The following GCLM variants were observed in gnomAD, a reference collection of about 807,000 sequenced individuals.
The protein encoded by GCLM is glutamate--cysteine ligase regulatory subunit.
In GCLM, 15 loss-of-function variants were observed where a neutral mutation model predicts 36.0. The observed-to-expected ratio is 0.42, with a 90% CI of 0.28 to 0.64. The LOEUF is 0.64. Among genes scored for constraint, GCLM ranks in the 30% least tolerant of loss-of-function variants. The pLI, the probability that GCLM is intolerant of heterozygous loss-of-function variation, is 0.25. For synonymous variants in GCLM, 129 were observed against 122.8 expected (o/e 1.05, Z -0.34); for missense variants, 242 against 325.5 (o/e 0.74, Z 1.97).
intron 6 of GCLM, among the ~76,000 whole-genome samples, chr1:93,892,308 T>C (rs1656566344): frequency 6.6e-6 from 1 of 152,158 alleles, no homozygotes. Context: ...TAAACAAAAT[T>C]CTATTTTAGA....
intron 2 of GCLM, among the ~76,000 whole-genome samples, chr1:93,902,382 G>T (rs775163324): frequency 2.0e-5 from 3 of 151,608 alleles, no homozygotes; most frequent in Admixed American, 6.6e-5. Flanking sequence ...GTTTCACCGT[G>T]TTAGCCAGGA....
In GCLM at chr1:93,896,658, A is replaced by G; in HGVS notation, c.500T>C (p.Leu167Pro). ...CAGCTGTTCCAACTGTGTTTTGTCT[A>G]GATCAGAGGTACCTATGGCAACAAT... The part of the protein sequence containing the change: ...KKIVAIGTSD[L>P]DKTQLEQLYQ... The change falls in exon 5 of 7, where the codon CTA becomes CCA. Residue 167 changes from leucine (L) to proline (P), a missense_variant. Coordinates refer to ENST00000370238, the MANE Select transcript of GCLM (RefSeq NM_002061.4). 6.2e-7 allele frequency: 1 copy of G among 1,614,122 alleles called. No homozygotes were observed. The highest frequency in any genetic ancestry group is 1.1e-5 in the South Asian group (1 of 91,078).
chr1:93,890,342 A>C (rs1441734616), intron 6 of GCLM, among the ~76,000 whole-genome samples: 1 of 152,182 alleles, frequency 6.6e-6, no homozygotes, highest in East Asian at 1.9e-4. Flanking sequence ...TGCATTACAA[A>C]TAAGTCTGTA....
In GCLM at chr1:93,894,693, G is replaced by A. The variant is rs763622368; in HGVS notation, c.576C>T (p.Ser192=). The A allele has an allele frequency of 1.4e-5, 22 of 1,610,230 alleles. No homozygotes were observed. The highest frequency in any genetic ancestry group is 1.9e-5 in the Non-Finnish European group (22 of 1,176,654). The change falls in exon 6 of 7, where the codon TCC becomes TCT. Residue 192 remains serine (S), a synonymous_variant. Coordinates refer to ENST00000370238, the MANE Select transcript of GCLM (RefSeq NM_002061.4). Reference sequence around the variant, plus strand: ...TCAAATCTGGTGGCATCACACAGCAGGAGGCAAGATTAACTTGGTTACTAT... The same window carrying A: ...TCAAATCTGGTGGCATCACACAGCAAGAGGCAAGATTAACTTGGTTACTAT... ...KPNSNQVNLA[S]CCVMPPDLTA... is the part of the protein sequence containing the mutation.
Position 93,889,059 on chromosome 1 carries a change from G to A in GCLM, c.756C>T (p.Val252=). ...TGATAATTCCTCTACTTTTCACAATGACCGAATACCGCAGTAGCCACAGCG... is the reference window on the plus strand; with the variant it reads ...TGATAATTCCTCTACTTTTCACAATAACCGAATACCGCAGTAGCCACAGCG... ...WVPLWLLRYS[V]IVKSRGIIKS... Residue 252 remains valine (V), a synonymous_variant, in exon 7 of 7, where the codon GTC becomes GTT. Coordinates refer to ENST00000370238, the MANE Select transcript of GCLM (RefSeq NM_002061.4). The A allele has an allele frequency of 6.2e-7, 1 of 1,602,944 alleles. No homozygotes were observed. The highest frequency in any genetic ancestry group is 2.3e-5 in the East Asian group (1 of 44,004).
chr1:93,898,514 A>T (rs1571202260), intron 3 of GCLM, among the ~76,000 whole-genome samples: 1 of 151,972 alleles, frequency 6.6e-6, no homozygotes, highest in Admixed American at 6.6e-5. Flanking sequence ...ACTTTTAAAA[A>T]TTTTTTGTAG....
At chr1:93,904,647 C>A in intron 1 of GCLM, 59 bp from the exon 2 acceptor site, 1 of 1,020,442 alleles carries the variant, frequency 9.8e-7, no homozygotes, top group Non-Finnish European at 1.5e-6. Context: ...TTCTGTACTT[C>A]TACAATAAGA....
chr1:93,904,600 A>G lies in GCLM; in HGVS notation c.127-12T>C. 6.3e-7 allele frequency: 1 copy of G among 1,575,852 alleles called. No homozygotes were observed. The highest frequency in any genetic ancestry group is 8.7e-7 in the Non-Finnish European group (1 of 1,145,222). ...ATACAATCATGAAGCTGCAAAAGGA[A>G]TGCATTTTGAAACTGTTAATCAAAG... On this transcript the variant is annotated splice_polypyrimidine_tract_variant and intron_variant, in intron 1 of 6. Transcript: ENST00000370238.
chr1:93,909,353 G>C lies in GCLM; in HGVS notation c.-190C>G. On this transcript the variant is annotated 5_prime_UTR_variant, in exon 1 of 7. Transcript: ENST00000370238. ...GGAGGCCGGACGGCGGCTGGGCGGC[G>C]GCGGGAAAGGAAGGCACCGGTGGCT... 9.8e-7 allele frequency: 1 copy of C among 1,015,724 alleles called. No individual in the cohort carries two copies. Among genetic ancestry groups the C allele is most frequent in the Non-Finnish European group, 1.2e-6 (1 of 848,654 alleles). The allele number at this position is 1,015,724 out of a possible 1,614,324, so 62.9% of individuals were successfully genotyped here. A position where few individuals can be genotyped will look rare whatever the true frequency, so the allele number is the denominator to read the frequency against.
rs398103032 is a variant in GCLM, at chr1:93,886,690, T to TC, written c.*2299dup. 2.0e-5 allele frequency: 3 copies of TC among 151,756 alleles called. No homozygotes were observed. Among genetic ancestry groups the TC allele is most frequent in the South Asian group, 2.1e-4 (1 of 4,822 alleles). 9.4% of individuals were successfully genotyped at this position (151,756 alleles called of 1,614,324 possible). On this transcript the variant is annotated 3_prime_UTR_variant, in exon 7 of 7. Transcript: ENST00000370238. ...ATACATTAGCAACTAAGTTTTTTTTTCCCCCACTTTCAAAATAACCCTTCA... is the reference window on the plus strand; with the variant it reads ...ATACATTAGCAACTAAGTTTTTTTTTCCCCCCACTTTCAAAATAACCCTTCA...
intron 3 of GCLM, among the ~76,000 whole-genome samples, 180 bp downstream of exon 3, chr1:93,901,405 T>C (rs570570693): frequency 6.6e-6 from 1 of 152,326 alleles, no homozygotes; most frequent in East Asian, 1.9e-4. Context: ...CTGACTCTTA[T>C]ATAATAGCCA....
chr1:93,898,815 G>T (rs1482373301), intron 3 of GCLM, among the ~76,000 whole-genome samples: 2 of 151,926 alleles, frequency 1.3e-5, no homozygotes, highest in Non-Finnish European at 2.9e-5. Flanking sequence ...GTAGACACAG[G>T]GTCTCGATAT....
At chr1:93,905,608 A>C (rs1489920237) in intron 1 of GCLM, among the ~76,000 whole-genome samples, 3 of 148,934 alleles carry the variant, frequency 2.0e-5, no homozygotes, top group African/African-American at 7.8e-5. Context: ...TAGATAAACA[A>C]AAAAAAATTT....
At chr1:93,908,729 G>C (rs1418725143) in intron 1 of GCLM, 2 of 211,968 alleles carry the variant, frequency 9.4e-6, no homozygotes, top group Non-Finnish European at 1.9e-5. Flanking sequence ...CTGGCCCTCT[G>C]TGACCTCCGT....
At chr1:93,895,690 G>A (rs919072056) in intron 5 of GCLM, among the ~76,000 whole-genome samples, 14 of 152,124 alleles carry the variant, frequency 9.2e-5, no homozygotes, top group African/African-American at 3.4e-4. Context: ...CTCTGAAAAG[G>A]AGAAGGCTGA....
At chr1:93,892,636 G>A (rs1469796768) in intron 6 of GCLM, among the ~76,000 whole-genome samples, 1 of 152,032 alleles carries the variant, frequency 6.6e-6, no homozygotes, top group Non-Finnish European at 1.5e-5. Flanking sequence ...ATCAAATTAT[G>A]TAATACAAAA....
At chr1:93,899,387 A>AT (rs1473596262) in intron 3 of GCLM, among the ~76,000 whole-genome samples, 4 of 152,026 alleles carry the variant, frequency 2.6e-5, no homozygotes, top group Admixed American at 2.0e-4. Flanking sequence ...TTACATGCTC[A>AT]TTTTTTAATG....
At chr1:93,896,560 G>T in intron 5 of GCLM, 58 bp downstream of exon 5, 1 of 1,352,888 alleles carries the variant, frequency 7.4e-7, no homozygotes, top group Non-Finnish European at 1.1e-6. Context: ...ACAGTGTGCA[G>T]CAAAGACTGA....
chr1:93,894,618 T>G lies in GCLM; in HGVS notation c.651A>C (p.Pro217=). 6.6e-7 allele frequency: 1 copy of G among 1,518,122 alleles called. No individual in the cohort carries two copies. The highest frequency in any genetic ancestry group is 1.1e-5 in the South Asian group (1 of 88,916). 94.0% of individuals were successfully genotyped at this position (1,518,122 alleles called of 1,614,324 possible). A position where few individuals can be genotyped will look rare whatever the true frequency, so the allele number is the denominator to read the frequency against. ...FDIQLLTHND[P]KELLSEASFQ... ...TAATGAAAATATCAGTTTTACCTTT[T>G]GGATCATTGTGAGTCAACAGCTGTA... is the stretch of plus-strand genomic sequence containing the variant. Residue 217 remains proline, a synonymous_variant, in exon 6 of 7, where the codon CCA becomes CCC. Coordinates refer to ENST00000370238, the MANE Select transcript of GCLM (RefSeq NM_002061.4).
Sources: gnomAD v4.1 joint callset for allele counts (sites outside exome capture counted in the v4.1 genomes callset) on GRCh38, gnomAD v4.1.1 for gene constraint, MANE v1.5 for transcripts, NCBI Gene and HGNC (gene_info 2026-07-23, HGNC 2026-07-21) for gene names.